RBFOX1: variants seen among roughly 807,000 people sequenced by gnomAD.
The protein encoded by RBFOX1 is RNA binding protein fox-1 homolog 1.
Under a neutral mutation model 57.7 loss-of-function variants are expected in RBFOX1, and 8 were observed. The ratio of observed to expected loss-of-function variants is 0.14; its 90% CI spans 0.08 to 0.25. The LOEUF (loss-of-function observed/expected upper bound fraction) is 0.25, where lower values mean the gene tolerates loss of function less well. RBFOX1 is among the 10% of genes least tolerant of loss of function. RBFOX1 has a pLI of 1.00. For missense variants in RBFOX1, 611 were observed against 548.5 expected (o/e 1.11, Z -1.14); for synonymous variants, 326 against 222.4 (o/e 1.47, Z -4.15).
intron 3 of RBFOX1, among the ~76,000 whole-genome samples, chr16:6,924,498 A>T (rs1339223707): frequency 1.3e-5 from 2 of 151,964 alleles, no homozygotes; most frequent in African/African-American, 4.8e-5. Context: ...CCATAACTCA[A>T]ATATTTCCCT....
intron 3 of RBFOX1, among the ~76,000 whole-genome samples, chr16:6,823,657 C>A (rs984012375): frequency 6.6e-6 from 1 of 152,142 alleles, no homozygotes; most frequent in Non-Finnish European, 1.5e-5. Flanking sequence ...TTCTTGATTT[C>A]TTAGGGTCAG....
intron 3 of RBFOX1, among the ~76,000 whole-genome samples, chr16:7,009,349 C>T (rs2093534172): frequency 1.3e-5 from 2 of 150,110 alleles, no homozygotes; most frequent in Admixed American, 1.3e-4. Flanking sequence ...AGACCCTGCG[C>T]CAAGCAGTCT....
chr16:5,778,571 C>T (rs148005948), intron 3 of RBFOX1, among the ~76,000 whole-genome samples: 89 of 152,308 alleles, frequency 5.8e-4, no homozygotes, highest in South Asian at 1.0e-3. Context: ...AGAGCAACCC[C>T]GCGTGGCCTT....
chr16:7,209,637 C>G (rs971230790), intron 4 of RBFOX1, among the ~76,000 whole-genome samples: 1 of 152,114 alleles, frequency 6.6e-6, no homozygotes, highest in Non-Finnish European at 1.5e-5. Flanking sequence ...TAAATTTTTC[C>G]TTTTTGAGCA....
intron 3 of RBFOX1, among the ~76,000 whole-genome samples, chr16:5,768,691 T>C (rs1344516940): frequency 6.6e-6 from 1 of 152,072 alleles, no homozygotes; most frequent in Non-Finnish European, 1.5e-5. Context: ...AGGAAGCGGA[T>C]GATTCTGAGC....
intron 2 of RBFOX1, among the ~76,000 whole-genome samples, chr16:6,514,011 G>A (rs971655976): frequency 3.3e-5 from 5 of 152,308 alleles, no homozygotes; most frequent in African/African-American, 1.2e-4. Flanking sequence ...AATGGCGCAT[G>A]TCCACCTTAC....
intron 3 of RBFOX1, among the ~76,000 whole-genome samples, chr16:5,716,031 T>A (rs1267711735): frequency 6.6e-6 from 1 of 152,172 alleles, no homozygotes; most frequent in Admixed American, 6.5e-5. Flanking sequence ...AAGGCAGGAA[T>A]AAGGATAATA....
intron 4 of RBFOX1, among the ~76,000 whole-genome samples, chr16:7,245,878 C>T (rs895987325): frequency 6.6e-6 from 1 of 152,156 alleles, no homozygotes; most frequent in African/African-American, 2.4e-5. Flanking sequence ...CTAATTTAAT[C>T]CCTACAGTCT....
chr16:7,019,737 C>T (rs1033635266), intron 3 of RBFOX1, among the ~76,000 whole-genome samples: 1 of 152,300 alleles, frequency 6.6e-6, no homozygotes. Flanking sequence ...TGGTTTCAAA[C>T]ACTGCATGTT....
chr16:7,168,420 C>A (rs550723549), intron 4 of RBFOX1, among the ~76,000 whole-genome samples: 3 of 152,020 alleles, frequency 2.0e-5, no homozygotes, highest in Non-Finnish European at 2.9e-5. Context: ...CCACATTGTC[C>A]ACCAATTCTC....
intron 1 of RBFOX1, among the ~76,000 whole-genome samples, chr16:6,083,070 C>T (rs990816440): frequency 6.6e-6 from 1 of 151,882 alleles, no homozygotes; most frequent in Non-Finnish European, 1.5e-5. Flanking sequence ...GGCATGATCT[C>T]GGCTCACTGC....
intron 4 of RBFOX1, among the ~76,000 whole-genome samples, chr16:7,340,893 G>C (rs1438444351): frequency 6.6e-6 from 1 of 152,104 alleles, no homozygotes; most frequent in East Asian, 1.9e-4. Context: ...CTGTCATTTT[G>C]ATCATTTTAA....
chr16:5,556,291 T>A (rs527449748), intron 2 of RBFOX1, among the ~76,000 whole-genome samples: 84 of 152,150 alleles, frequency 5.5e-4, no homozygotes, highest in Non-Finnish European at 9.7e-4. Context: ...ATCAAAGGGA[T>A]CTCAGTGTAA....
At chr16:5,744,876 C>T (rs756265108) in intron 3 of RBFOX1, among the ~76,000 whole-genome samples, 2 of 152,128 alleles carry the variant, frequency 1.3e-5, no homozygotes, top group African/African-American at 2.4e-5. Context: ...TCCTGCCTCA[C>T]CGCTCTCTCT....
At chr16:5,860,863 C>T (rs531485840) in intron 3 of RBFOX1, among the ~76,000 whole-genome samples, 2 of 152,166 alleles carry the variant, frequency 1.3e-5, no homozygotes, top group South Asian at 4.1e-4. Context: ...CACGCAGCAT[C>T]TTTGATGGTC....
At chr16:7,469,564 A>G (rs899471849) in intron 4 of RBFOX1, among the ~76,000 whole-genome samples, 5 of 152,132 alleles carry the variant, frequency 3.3e-5, no homozygotes, top group African/African-American at 1.2e-4. Context: ...TTATTTTGAA[A>G]TAGTTTTAGA....
chr16:7,425,416 ACTT>A (rs2098600894), intron 4 of RBFOX1, among the ~76,000 whole-genome samples: 2 of 152,192 alleles, frequency 1.3e-5, no homozygotes, highest in Admixed American at 1.3e-4. Flanking sequence ...GTAATAGAAA[ACTT>A]CCTCAAAACC....
intron 11 of RBFOX1, among the ~76,000 whole-genome samples, chr16:7,651,048 T>C (rs1296531317): frequency 1.3e-5 from 2 of 151,792 alleles, no homozygotes; most frequent in Non-Finnish European, 1.5e-5. Context: ...TAAAATGGCA[T>C]GATCTATCTT....
Position 5,569,015 on chromosome 16 carries a change from A to AT in RBFOX1, c.259-29871dup, listed in dbSNP as rs34247073. Reference sequence around the variant, plus strand: ...GCCACCACGCCCGGCTAATTTTTGTATTTTTTTTTTTTTTTTGGTAGAGGC... The same window carrying AT: ...GCCACCACGCCCGGCTAATTTTTGTATTTTTTTTTTTTTTTTTGGTAGAGGC... On this transcript the variant is annotated intron_variant, in intron 2 of 2. Coordinates refer to the RBFOX1 transcript ENST00000585867. 3.6e-3 allele frequency among the ~76,000 whole-genome samples: 504 copies of AT among 139,486 alleles called. 2 individuals carry two copies. Among genetic ancestry groups the AT allele is most frequent in the African/African-American group, 7.9e-3 (303 of 38,438 alleles). The allele number at this position is 139,486 out of a possible 152,430, so 91.5% of individuals were successfully genotyped here. A position where few individuals can be genotyped will look rare whatever the true frequency, so the allele number is the denominator to read the frequency against.
Sources: allele counts gnomAD v4.1 joint callset (sites outside exome capture counted in the v4.1 genomes callset), GRCh38; gene constraint gnomAD v4.1.1; transcripts MANE v1.5; gene names NCBI Gene and HGNC (gene_info 2026-07-23, HGNC 2026-07-21).